Variants in PLXNA4 observed in about 807,000 individuals in gnomAD.
PLXNA4 encodes plexin A4.
Under a neutral mutation model 191.8 loss-of-function variants are expected in PLXNA4, and 44 were observed. The observed-to-expected ratio is 0.23, with a 90% CI of 0.18 to 0.29. The LOEUF (loss-of-function observed/expected upper bound fraction) is 0.29, where lower values mean the gene tolerates loss of function less well. Among genes scored for constraint, PLXNA4 ranks in the 10% least tolerant of loss-of-function variants. The probability of loss-of-function intolerance (pLI) is 1.00; values close to 1 mark genes in which losing one functional copy is unlikely to be tolerated. For synonymous variants in PLXNA4, 1,082 were observed against 1,009.5 expected, an observed-to-expected ratio of 1.07 and a Z score of -1.36; for missense variants, 1,800 against 2,488.8, an observed-to-expected ratio of 0.72 and a Z score of 5.89.
intron 4 of PLXNA4, among the ~76,000 whole-genome samples, chr7:132,254,146 T>A (rs1799351160): frequency 6.6e-6 from 1 of 152,192 alleles, no homozygotes. Flanking sequence ...GGAGTGTCAC[T>A]CCAGGATCTC....
chr7:132,546,575 G>A (rs941977461), intron 1 of PLXNA4, among the ~76,000 whole-genome samples: 3 of 152,210 alleles, frequency 2.0e-5, no homozygotes, highest in Non-Finnish European at 4.4e-5. Flanking sequence ...AAGGGGGCAG[G>A]TGCTGGTAAT....
At position 132,267,968 on chromosome 7, in the gene PLXNA4, G is replaced by A. The variant is rs1799918791; in HGVS notation, c.1504-26802C>T. 2.0e-5 allele frequency among the ~76,000 whole-genome samples: 3 copies of A among 152,140 alleles called. No individual in the cohort carries two copies. The South Asian group carries it at 6.2e-4, about 32-fold the overall frequency. On this transcript the variant is annotated intron_variant, in intron 4 of 31. Transcript: ENST00000321063. ...AATAAGCCAGGCAATGGAGAATCCT[G>A]CCAGGACCAGTATTGATTGGCTTGC...
Position 132,180,628 on chromosome 7 carries a change from C to A in PLXNA4, c.3597G>T (p.Leu1199=), listed in dbSNP as rs1796673394. The A allele has an allele frequency of 6.2e-7, 1 of 1,614,212 alleles. No individual in the cohort carries two copies. The highest frequency in any genetic ancestry group is 1.3e-5 in the African/African-American group (1 of 75,050). Residue 1199 remains leucine (L), a synonymous_variant, in exon 19 of 32, where the codon CTG becomes CTT. Coordinates refer to ENST00000321063, the MANE Select transcript of PLXNA4 (RefSeq NM_020911.2). ...PCTVTVSDVQ[L]LCESPNLIGR... Reference sequence around the variant, plus strand: ...CGATGAGGTTGGGGGACTCGCAGAGCAGCTGGACATCTGACACGGTCACGG... The same window carrying A: ...CGATGAGGTTGGGGGACTCGCAGAGAAGCTGGACATCTGACACGGTCACGG...
At chr7:132,159,333 G>T in intron 25 of PLXNA4, 140 bp downstream of exon 25, 1 of 1,384,022 alleles carries the variant, frequency 7.2e-7, no homozygotes, top group South Asian at 1.4e-5. Context: ...TCCTGCGGGG[G>T]TCCAGCCATG....
intron 3 of PLXNA4, among the ~76,000 whole-genome samples, chr7:132,420,876 T>C (rs951629201): frequency 6.6e-6 from 1 of 152,216 alleles, no homozygotes; most frequent in Non-Finnish European, 1.5e-5. Context: ...TCTGCCACCA[T>C]GTGAGATGTG....
At chr7:132,501,710 C>A (rs1273653224) in intron 2 of PLXNA4, among the ~76,000 whole-genome samples, 7 of 152,176 alleles carry the variant, frequency 4.6e-5, no homozygotes, top group South Asian at 4.1e-4. Context: ...GAGACAGGTG[C>A]CATCTCCGAG....
intron 1 of PLXNA4, among the ~76,000 whole-genome samples, chr7:132,571,855 C>T (rs187446031): frequency 9.5e-4 from 144 of 152,118 alleles, no homozygotes; most frequent in Non-Finnish European, 3.8e-4. Context: ...CTCATTTTTT[C>T]CTGGGAGAAA....
At chr7:132,286,983 C>T (rs1424298815) in intron 4 of PLXNA4, among the ~76,000 whole-genome samples, 3 of 152,152 alleles carry the variant, frequency 2.0e-5, no homozygotes, top group African/African-American at 7.2e-5. Context: ...GCTCAACTGG[C>T]CTTTAGCCAC....
intron 4 of PLXNA4, among the ~76,000 whole-genome samples, chr7:132,273,912 T>A (rs889666517): frequency 2.6e-5 from 4 of 152,074 alleles, no homozygotes; most frequent in African/African-American, 4.8e-5. Flanking sequence ...AGGAGCTTTA[T>A]TTATAATTTG....
intron 3 of PLXNA4, among the ~76,000 whole-genome samples, chr7:132,392,917 G>A (rs1177592023): frequency 6.6e-6 from 1 of 152,136 alleles, no homozygotes; most frequent in Non-Finnish European, 1.5e-5. Context: ...CCGCCTCCCT[G>A]TGTCCATCTG....
At chr7:132,468,734 G>GCA (rs36218194) in intron 3 of PLXNA4, among the ~76,000 whole-genome samples, 2,394 of 145,236 alleles carry the variant, frequency 0.016, 33 homozygotes, top group African/African-American at 0.035. Flanking sequence ...ATATGCACAC[G>GCA]CACACACACA....
At position 132,313,802 on chromosome 7, in the gene PLXNA4, C is replaced by T. The variant is rs1282932709; in HGVS notation, c.1372-15580G>A. On this transcript the variant is annotated intron_variant, in intron 3 of 31. Transcript: ENST00000321063. The stretch of plus-strand genomic sequence containing the variant: ...GATATCATGATATCAAATCATTTCC[C>T]GGAGCCAGAATTTAGACGACCACCA... Among the ~76,000 whole-genome samples the T allele has an allele frequency of 2.0e-5, 3 of 152,148 alleles. No individual in the cohort carries two copies. The South Asian group carries it at 6.2e-4, about 32-fold the overall frequency.
intron 3 of PLXNA4, among the ~76,000 whole-genome samples, chr7:132,435,733 G>A (rs186606982): frequency 1.1e-4 from 17 of 152,302 alleles, no homozygotes; most frequent in African/African-American, 2.2e-4. Context: ...TGTAGCCAGC[G>A]TGAGTGTGAC....
chr7:132,390,396 A>G (rs985110552), intron 3 of PLXNA4, among the ~76,000 whole-genome samples: 1 of 152,050 alleles, frequency 6.6e-6, no homozygotes, highest in African/African-American at 2.4e-5. Context: ...GGAGGGTAAC[A>G]TCACACACTG....
chr7:132,291,109 C>T (rs972038193), intron 4 of PLXNA4, among the ~76,000 whole-genome samples: 3 of 152,104 alleles, frequency 2.0e-5, no homozygotes, highest in Non-Finnish European at 4.4e-5. Context: ...CACCACTTTC[C>T]CCCTTCTCCC....
At chr7:132,409,543 G>A (rs1334871950) in intron 3 of PLXNA4, among the ~76,000 whole-genome samples, 3 of 152,120 alleles carry the variant, frequency 2.0e-5, no homozygotes, top group Non-Finnish European at 4.4e-5. Context: ...TGGTTCACAG[G>A]GGAGGGGAAA....
At chr7:132,132,380 T>TC (rs1201010211) in intron 31 of PLXNA4, among the ~76,000 whole-genome samples, 1 of 128,938 alleles carries the variant, frequency 7.8e-6, no homozygotes, top group African/African-American at 3.2e-5. Context: ...CACATTCTAT[T>TC]TGTTCTGTTC....
intron 2 of PLXNA4, among the ~76,000 whole-genome samples, chr7:132,502,918 G>T (rs183003686): frequency 1.1e-3 from 163 of 152,284 alleles, no homozygotes; most frequent in African/African-American, 3.8e-3. Context: ...ACAGGTGTCA[G>T]TTGGTGATGC....
chr7:132,475,436 G>A (rs1355670176), intron 3 of PLXNA4, among the ~76,000 whole-genome samples: 1 of 152,140 alleles, frequency 6.6e-6, no homozygotes, highest in South Asian at 2.1e-4. Flanking sequence ...TAGAGATAGA[G>A]ATGAACTTCA....
Sources: gnomAD v4.1 joint callset for allele counts (sites outside exome capture counted in the v4.1 genomes callset) on GRCh38, gnomAD v4.1.1 for gene constraint, MANE v1.5 for transcripts, NCBI Gene and HGNC (gene_info 2026-07-23, HGNC 2026-07-21) for gene names.